Variants in SNX31 observed in about 807,000 individuals in gnomAD.
SNX31 encodes sorting nexin-31.
Under a neutral mutation model 65.4 loss-of-function variants are expected in SNX31, and 58 were observed. That is an observed-to-expected ratio of 0.89 (90% CI 0.72 to 1.10). The LOEUF (loss-of-function observed/expected upper bound fraction) is 1.10. Ranked by LOEUF, SNX31 falls within the 50% of genes least tolerant of loss-of-function variation. The probability of loss-of-function intolerance (pLI) is 0.00; values close to 1 mark genes in which losing one functional copy is unlikely to be tolerated. For missense variants in SNX31, 523 were observed against 529.7 expected (o/e 0.99, Z 0.12); for synonymous variants, 181 against 190.1 (o/e 0.95, Z 0.39).
chr8:100,599,807 G>A (rs16898619), intron 9 of SNX31, among the ~76,000 whole-genome samples: 3,732 of 152,134 alleles, frequency 0.025, 174 homozygotes, highest in African/African-American at 0.086. Context: ...ACACCTTTAC[G>A]GAAACTTTAA....
At chr8:100,643,916 G>A (rs1293492143) in intron 2 of SNX31, among the ~76,000 whole-genome samples, 5 of 152,080 alleles carry the variant, frequency 3.3e-5, no homozygotes, top group African/African-American at 4.8e-5. Context: ...AACATGAAGC[G>A]GCACAGCAAT....
At position 100,636,042 on chromosome 8, in the gene SNX31, G is replaced by T. The variant is rs190476637; in HGVS notation, c.142-31C>A. 818 of 1,545,520 alleles carry T rather than the reference G, an allele frequency of 5.3e-4. No homozygotes were observed. The African/African-American group carries it at 0.01, about 19-fold the overall frequency. On this transcript the variant is annotated intron_variant, in intron 2 of 13. Coordinates refer to ENST00000311812, the MANE Select transcript of SNX31 (RefSeq NM_152628.4). ...AGATCCAGGAAACACAGTTAAGGCAGGTGAGCCGCCAGTTCAGGGTTGATG... is the reference window on the plus strand; with the variant it reads ...AGATCCAGGAAACACAGTTAAGGCATGTGAGCCGCCAGTTCAGGGTTGATG...
rs564295744 is a variant in SNX31, at chr8:100,644,847, T to C, written c.141+4427A>G. Among the ~76,000 whole-genome samples, 89 of 152,330 alleles carry C rather than the reference T, an allele frequency of 5.8e-4. 2 individuals are homozygous for C. The East Asian group carries it at 0.016, about 28-fold the overall frequency. On this transcript the variant is annotated intron_variant, in intron 2 of 13. Transcript: ENST00000311812. The stretch of plus-strand genomic sequence containing the variant: ...ACCTGGCTAATTTTTTGTATTTTAG[T>C]AGAGACGGGGTTTTACCATTGCCCA...
chr8:100,590,259 AG>A (rs1259906278), intron 10 of SNX31, among the ~76,000 whole-genome samples: 3 of 152,170 alleles, frequency 2.0e-5, no homozygotes, highest in African/African-American at 7.2e-5. Context: ...TTTTCCCCCT[AG>A]GGGGCAACAG....
chr8:100,579,410 G>A (rs774529799), intron 12 of SNX31, among the ~76,000 whole-genome samples: 4 of 152,096 alleles, frequency 2.6e-5, no homozygotes, highest in Non-Finnish European at 5.9e-5. Flanking sequence ...CAATAGAGTG[G>A]TTTCTGTTAA....
rs1816484488 is a variant in SNX31 at position 100,609,237 on chromosome 8, C to T, written c.612-674G>A. On this transcript the variant is annotated intron_variant, in intron 7 of 13. Coordinates refer to ENST00000311812, the MANE Select transcript of SNX31 (RefSeq NM_152628.4). The surrounding 1 kb of genome is among the most constrained non-coding windows in gnomAD (Gnocchi z 4.9). ...TCTCTCCCTGCCTGGAAGACCAAGG[C>T]CCTCACCAGTCTCCTCCCCTGACTG... 1.3e-5 allele frequency among the ~76,000 whole-genome samples: 2 copies of T among 152,190 alleles called. No homozygotes were observed. The highest frequency in any genetic ancestry group is 4.1e-4 in the South Asian group (2 of 4,830).
rs578204385 is a variant in SNX31 at position 100,648,768 on chromosome 8, C to T, written c.141+506G>A. On this transcript the variant is annotated intron_variant, in intron 2 of 13. Transcript: ENST00000311812. This position sits in a 1 kb window ranked among gnomAD's most constrained non-coding sequence, Gnocchi z 4.3. ...TTCCCAGCCTGCCAGTACTTGAAGC[C>T]TCATGGCCATTCAAAAACAAAACTA... Among the ~76,000 whole-genome samples, 27 of 152,208 alleles carry T rather than the reference C, an allele frequency of 1.8e-4. No homozygotes were observed. The highest frequency in any genetic ancestry group is 3.1e-4 in the Non-Finnish European group (21 of 68,034).
Position 100,615,496 on chromosome 8 carries a change from G to A in SNX31, c.432+2124C>T, listed in dbSNP as rs191643555. 4.9e-3 allele frequency among the ~76,000 whole-genome samples: 744 copies of A among 152,334 alleles called. 7 individuals are homozygous for A. The highest frequency in any genetic ancestry group is 0.017 in the African/African-American group (708 of 41,578). On this transcript the variant is annotated intron_variant, in intron 5 of 13. Coordinates refer to ENST00000311812, the MANE Select transcript of SNX31 (RefSeq NM_152628.4). ...CACAGCCCTTACACAGCAACACTGT[G>A]CAGCTGTGTTTTGCTTAATGACAGG...
intron 8 of SNX31, among the ~76,000 whole-genome samples, chr8:100,601,854 C>T (rs957031235): frequency 6.6e-6 from 1 of 151,914 alleles, no homozygotes; most frequent in Non-Finnish European, 1.5e-5. Flanking sequence ...CAACATGAAA[C>T]GTGGAAGTAA....
chr8:100,599,456 T>C (rs1815408190), intron 9 of SNX31, among the ~76,000 whole-genome samples: 1 of 152,118 alleles, frequency 6.6e-6, no homozygotes, highest in Non-Finnish European at 1.5e-5. Flanking sequence ...CTCTTTTTTT[T>C]TTTTTTGTGA....
intron 1 of SNX31, among the ~76,000 whole-genome samples, chr8:100,658,245 T>C (rs777182257): frequency 4.6e-5 from 7 of 152,218 alleles, no homozygotes; most frequent in Non-Finnish European, 8.8e-5. Context: ...TGGCTCAGCT[T>C]GCTGTCTAGG....
At chr8:100,638,796 A>G (rs982144317) in intron 2 of SNX31, among the ~76,000 whole-genome samples, 4 of 152,254 alleles carry the variant, frequency 2.6e-5, no homozygotes, top group East Asian at 3.8e-4. Flanking sequence ...TTTAAACAAC[A>G]AAGATGTCCT....
At chr8:100,623,531 C>G (rs941663860) in intron 4 of SNX31, among the ~76,000 whole-genome samples, 1 of 152,206 alleles carries the variant, frequency 6.6e-6, no homozygotes, top group Non-Finnish European at 1.5e-5. Flanking sequence ...CAGCTAACCT[C>G]ACTTCCTATT....
upstream of SNX31, among the ~76,000 whole-genome samples, chr8:100,654,253 C>T (rs1264657931): frequency 2.6e-5 from 4 of 152,174 alleles, no homozygotes; most frequent in Non-Finnish European, 5.9e-5. Context: ...TCAAGTGCTC[C>T]TCCCACCTCA....
chr8:100,652,891 TTTC>T (rs1249018391), upstream of SNX31, among the ~76,000 whole-genome samples: 13 of 152,284 alleles, frequency 8.5e-5, no homozygotes, highest in East Asian at 2.5e-3. Flanking sequence ...TGCTGCATCT[TTTC>T]TTATAGCCCA....
intron 10 of SNX31, among the ~76,000 whole-genome samples, chr8:100,589,301 CAA>C (rs35464482): frequency 8.3e-5 from 8 of 96,384 alleles, no homozygotes; most frequent in Admixed American, 1.0e-4. Context: ...GACTTCGTCT[CAA>C]AAAAAAAAAA....
rs1483433148 is a variant in SNX31, at chr8:100,648,006, A to G, written c.141+1268T>C. On this transcript the variant is annotated intron_variant, in intron 2 of 13. Transcript: ENST00000311812. The surrounding 1 kb of genome is among the most constrained non-coding windows in gnomAD (Gnocchi z 4.3). ...GGACCTACTGGGTCACAGCACTAGT[A>G]ATACAAAGATGACCACTCAAATTAA... 6.6e-6 allele frequency among the ~76,000 whole-genome samples: 1 copy of G among 152,252 alleles called. No homozygotes were observed. Among genetic ancestry groups the G allele is most frequent in the Non-Finnish European group, 1.5e-5 (1 of 68,044 alleles).
At position 100,637,406 on chromosome 8, in the gene SNX31, A is replaced by T. The variant is rs189994861; in HGVS notation, c.142-1395T>A. 7.1e-3 allele frequency among the ~76,000 whole-genome samples: 1,075 copies of T among 152,330 alleles called. 13 individuals carry two copies. The highest frequency in any genetic ancestry group is 0.023 in the African/African-American group (956 of 41,564). Reference sequence around the variant, plus strand: ...CTCAGTGGCTTAAAGAAAATGAAAGATGGAATAAGAAAAATGAGGCTGCAA... The same window carrying T: ...CTCAGTGGCTTAAAGAAAATGAAAGTTGGAATAAGAAAAATGAGGCTGCAA... On this transcript the variant is annotated intron_variant, in intron 2 of 13. Coordinates refer to ENST00000311812, the MANE Select transcript of SNX31 (RefSeq NM_152628.4).
At chr8:100,595,314 G>GTTT (rs1168302108) in intron 10 of SNX31, among the ~76,000 whole-genome samples, 1 of 125,546 alleles carries the variant, frequency 8.0e-6, no homozygotes, top group Non-Finnish European at 1.6e-5. Flanking sequence ...GGAATTTGTT[G>GTTT]TTTTTTTTTT....
Sources: gnomAD v4.1 joint callset for allele counts (sites outside exome capture counted in the v4.1 genomes callset) on GRCh38, gnomAD v4.1.1 for gene constraint, Gnocchi (gnomAD v3.1) non-coding constraint, MANE v1.5 for transcripts, NCBI Gene and HGNC (gene_info 2026-07-23, HGNC 2026-07-21) for gene names.